SNX31: variants seen among roughly 807,000 people sequenced by gnomAD.
SNX31 encodes the protein sorting nexin 31.
In SNX31, 58 loss-of-function variants were observed where a neutral mutation model predicts 65.4. The observed-to-expected ratio is 0.89, with a 90% confidence interval of 0.72 to 1.10. The LOEUF (loss-of-function observed/expected upper bound fraction) is 1.10, where lower values mean the gene tolerates loss of function less well. Among genes scored for constraint, SNX31 ranks in the 50% least tolerant of loss-of-function variants. The probability of loss-of-function intolerance (pLI) is 0.00; values close to 1 mark genes in which losing one functional copy is unlikely to be tolerated. For synonymous variants in SNX31, 181 were observed against 190.1 expected, an observed-to-expected ratio of 0.95 and a Z score of 0.39; for missense variants, 523 against 529.7, an observed-to-expected ratio of 0.99 and a Z score of 0.12.
At chr8:100,641,613 C>CAT (rs1334264136) in intron 2 of SNX31, among the ~76,000 whole-genome samples, 1,232 of 68,534 alleles carry the variant, frequency 0.018, 47 homozygotes, top group Non-Finnish European at 0.026. Context: ...CACACACACA[C>CAT]GCACACACGC....
chr8:100,646,258 C>T (rs1421911104), intron 2 of SNX31, among the ~76,000 whole-genome samples: 1 of 152,020 alleles, frequency 6.6e-6, no homozygotes, highest in Non-Finnish European at 1.5e-5. Flanking sequence ...CTTGAGATTA[C>T]AGAAAAAAGC....
chr8:100,661,163 G>C lies in SNX31; in HGVS notation c.-58+1979C>G, dbSNP rs373248418. On this transcript the variant is annotated intron_variant, in intron 1 of 5. Transcript: ENST00000520352. ...TGGAATTACCGGCATGTGCCACCATGCCCAGCTAATTTTTGTATTTTTAGT... is the reference window on the plus strand; with the variant it reads ...TGGAATTACCGGCATGTGCCACCATCCCCAGCTAATTTTTGTATTTTTAGT... Among the ~76,000 whole-genome samples, 1,079 of 152,176 alleles carry C rather than the reference G, an allele frequency of 7.1e-3. 13 individuals are homozygous for C. The highest frequency in any genetic ancestry group is 0.027 in the Middle Eastern group (8 of 294).
chr8:100,642,702 A>T (rs1011685627), intron 2 of SNX31, among the ~76,000 whole-genome samples: 3 of 152,248 alleles, frequency 2.0e-5, no homozygotes, highest in Non-Finnish European at 4.4e-5. Context: ...CTCAGTACAC[A>T]GTTGAGCTAT....
At chr8:100,632,724 A>T (rs1818493030) in intron 3 of SNX31, among the ~76,000 whole-genome samples, 1 of 151,792 alleles carries the variant, frequency 6.6e-6, no homozygotes. Context: ...GTGAGCTGTG[A>T]TTGCACCACT....
intron 12 of SNX31, among the ~76,000 whole-genome samples, chr8:100,581,329 C>CTATATATATCTATATCTA (rs1491502174): frequency 2.5e-5 from 2 of 80,170 alleles, no homozygotes; most frequent in African/African-American, 9.8e-5. Flanking sequence ...CTATATCTAT[C>CTATATATATCTATATCTA]TATCTATCTA....
chr8:100,596,726 G>T lies in SNX31; in HGVS notation c.891C>A (p.Ile297=). 6.2e-7 allele frequency: 1 copy of T among 1,614,134 alleles called. No individual in the cohort carries two copies. The highest frequency in any genetic ancestry group is 8.5e-7 in the Non-Finnish European group (1 of 1,180,014). ...TGTCAGGCAGGGTGATGCAGCAGCT[G>T]ATCTCATTATTGCCAACAGAAAGAA... ...GAVLSVGNNE[I]SCCITLPDSQ... is the part of the protein sequence containing the mutation. The change falls in exon 10 of 14, where the codon ATC becomes ATA. Residue 297 remains isoleucine, a synonymous_variant. Coordinates refer to ENST00000311812, the MANE Select transcript of SNX31 (RefSeq NM_152628.4).
At chr8:100,618,545 A>T in intron 4 of SNX31, 1 of 565,976 alleles carries the variant, frequency 1.8e-6, no homozygotes, top group South Asian at 2.3e-5. Context: ...TCAGCTCCAC[A>T]AGACTACCCC....
rs1816950178 is a variant in SNX31, at chr8:100,613,975, C to A, written c.433-890G>T. On this transcript the variant is annotated intron_variant, in intron 5 of 13. Coordinates refer to ENST00000311812, the MANE Select transcript of SNX31 (RefSeq NM_152628.4). This position sits in a 1 kb window ranked among gnomAD's most constrained non-coding sequence, Gnocchi z 5.2. ...CCCTCCAGAGCTGCTTTACCCACGA[C>A]TCCCAGTTCTCTAGGTGGCAGTTGT... is the stretch of plus-strand genomic sequence containing the variant. Among the ~76,000 whole-genome samples, 2 of 152,166 alleles carry A rather than the reference C, an allele frequency of 1.3e-5. No individual in the cohort carries two copies. Among genetic ancestry groups the A allele is most frequent in the South Asian group, 2.1e-4 (1 of 4,832 alleles).
intron 2 of SNX31, among the ~76,000 whole-genome samples, chr8:100,636,263 T>C: frequency 6.6e-6 from 1 of 152,350 alleles, no homozygotes; most frequent in Middle Eastern, 3.4e-3. Flanking sequence ...AGAGCTGAGA[T>C]GTATTTTTAT....
At chr8:100,608,917 C>A (rs1586933946) in intron 7 of SNX31, among the ~76,000 whole-genome samples, 1 of 152,118 alleles carries the variant, frequency 6.6e-6, no homozygotes, top group African/African-American at 2.4e-5. Flanking sequence ...CCCACACAGA[C>A]CTACCCCCAT....
chr8:100,600,419 C>A lies in SNX31; in HGVS notation c.704G>T (p.Gly235Val), dbSNP rs771237789. The A allele has an allele frequency of 6.2e-7, 1 of 1,613,324 alleles. No individual in the cohort carries two copies. The highest frequency in any genetic ancestry group is 8.5e-7 in the Non-Finnish European group (1 of 1,179,772). ...CTGTGCCTGTGTGGGTTTGGCCCAT[C>A]CTTTTTCAATGTCCTGTATTGCCTT... ...YMQAIQDIEK[G>V]WAKPTQAQRQ... Residue 235 changes from glycine (G) to valine (V), a missense_variant, in exon 9 of 14, where the codon GGA becomes GTA. Gly to Val is a moderately radical substitution (Grantham distance 109, BLOSUM62 -3). Transcript: ENST00000311812.
rs894169653 is a variant in SNX31, at chr8:100,629,494, G to T, written c.321+833C>A. On this transcript the variant is annotated intron_variant, in intron 4 of 13. Transcript: ENST00000311812. This position sits in a 1 kb window ranked among gnomAD's most constrained non-coding sequence, Gnocchi z 5.1. ...GGCCAGTAAATATTCCAACACATTT[G>T]AACCCCTGTTTACATGAGATTTGTT... Among the ~76,000 whole-genome samples, 4 of 152,122 alleles carry T rather than the reference G, an allele frequency of 2.6e-5. No homozygotes were observed. The highest frequency in any genetic ancestry group is 9.7e-5 in the African/African-American group (4 of 41,430).
intron 2 of SNX31, among the ~76,000 whole-genome samples, chr8:100,642,077 T>TCAAACAAA (rs5893527): frequency 1.1e-4 from 17 of 150,452 alleles, no homozygotes; most frequent in Admixed American, 7.3e-4. Context: ...AGACTCCATC[T>TCAAACAAA]CAAACAAACA....
rs1816638030 is a variant in SNX31 at position 100,610,730 on chromosome 8, A to G, written c.611+1270T>C. ...CCTTCTCAGGGTTTCACATCTCAAG[A>G]TCTGGACCATTCCTCAGGATACTTC... On this transcript the variant is annotated intron_variant, in intron 7 of 13. Coordinates refer to ENST00000311812, the MANE Select transcript of SNX31 (RefSeq NM_152628.4). The surrounding 1 kb of genome is among the most constrained non-coding windows in gnomAD (Gnocchi z 4.0). Among the ~76,000 whole-genome samples, 1 of 152,216 alleles carries G rather than the reference A, an allele frequency of 6.6e-6. No homozygotes were observed. The highest frequency in any genetic ancestry group is 1.5e-5 in the Non-Finnish European group (1 of 68,046).
chr8:100,580,326 C>A (rs952578196), intron 12 of SNX31, among the ~76,000 whole-genome samples: 1 of 152,114 alleles, frequency 6.6e-6, no homozygotes, highest in Non-Finnish European at 1.5e-5. Flanking sequence ...CATCTACTAT[C>A]TTTTCTTGGT....
At chr8:100,650,840 G>T (rs895978677), upstream of SNX31, among the ~76,000 whole-genome samples, 11 of 126,090 alleles carry the variant, frequency 8.7e-5, no homozygotes, top group Middle Eastern at 4.0e-3. Context: ...AGTGTTTTTT[G>T]TGTTTTTTTG....
chr8:100,642,605 A>T (rs956089659), intron 2 of SNX31, among the ~76,000 whole-genome samples: 1 of 152,226 alleles, frequency 6.6e-6, no homozygotes, highest in African/African-American at 2.4e-5. Context: ...GACAATGAAC[A>T]TAAAGGAAAC....
At position 100,596,656 on chromosome 8, in the gene SNX31, A is replaced by G. The variant is rs772572904; in HGVS notation, c.961T>C (p.Trp321Arg). ...IVFQMSRVKC[W>R]QVTFLGTLLD... is the part of the protein sequence containing the mutation. The stretch of plus-strand genomic sequence containing the variant: ...ATACTCACAAGGAAAGTGACCTGCC[A>G]GCACTTCACCCTGCTCATCTGGAAA... Residue 321 changes from tryptophan (W) to arginine (R), a missense_variant, in exon 10 of 14, where the codon TGG becomes CGG. Transcript: ENST00000311812. 6.2e-7 allele frequency: 1 copy of G among 1,614,122 alleles called. No individual in the cohort carries two copies. The highest frequency in any genetic ancestry group is 1.7e-5 in the Admixed American group (1 of 60,018).
chr8:100,637,746 A>AGT (rs1246772734), intron 2 of SNX31, among the ~76,000 whole-genome samples: 1 of 151,702 alleles, frequency 6.6e-6, no homozygotes. Flanking sequence ...CCCAGGCTGG[A>AGT]GTGCAGTGGC....
Sources: gnomAD v4.1 joint callset for allele counts (sites outside exome capture counted in the v4.1 genomes callset) on GRCh38, gnomAD v4.1.1 for gene constraint, Gnocchi (gnomAD v3.1) non-coding constraint, MANE v1.5 for transcripts, NCBI Gene and HGNC (gene_info 2026-07-23, HGNC 2026-07-21) for gene names.